Variants in RALYL observed in about 807,000 individuals in gnomAD.
RALYL encodes RNA-binding Raly-like protein.
In RALYL, 29 loss-of-function variants were observed where a neutral mutation model predicts 35.1. That is an observed-to-expected ratio of 0.83 (90% confidence interval 0.61 to 1.13). RALYL has a LOEUF of 1.13. Ranked by LOEUF, RALYL falls within the 50% of genes most tolerant of loss-of-function variation. The pLI, the probability that RALYL is intolerant of heterozygous loss-of-function variation, is 0.00. For missense variants in RALYL, 359 were observed against 360.4 expected, an observed-to-expected ratio of 1.00 and a Z score of 0.03; for synonymous variants, 120 against 127.6, an observed-to-expected ratio of 0.94 and a Z score of 0.40.
At chr8:84,540,022 C>G (rs1340494616) in intron 2 of RALYL, among the ~76,000 whole-genome samples, 1 of 150,596 alleles carries the variant, frequency 6.6e-6, no homozygotes, top group Non-Finnish European at 1.5e-5. Flanking sequence ...TAAATGACAC[C>G]ATTTTGGACA....
At chr8:84,785,484 C>A (rs1175842967) in intron 3 of RALYL, among the ~76,000 whole-genome samples, 1 of 152,192 alleles carries the variant, frequency 6.6e-6, no homozygotes, top group Non-Finnish European at 1.5e-5. Context: ...ACTTCCCAAT[C>A]CAGAGACTAA....
chr8:84,499,521 C>A (rs942991897), intron 1 of RALYL, among the ~76,000 whole-genome samples: 2 of 152,042 alleles, frequency 1.3e-5, no homozygotes, highest in South Asian at 2.1e-4. Context: ...TTGCATGTGG[C>A]AAACACTGAG....
intron 1 of RALYL, among the ~76,000 whole-genome samples, chr8:84,407,079 C>CAG (rs1433408464): frequency 0.017 from 2,540 of 150,860 alleles, 71 homozygotes; most frequent in African/African-American, 0.058. Flanking sequence ...AACACACACA[C>CAG]ACACACAAGA....
At chr8:84,515,338 A>T (rs1280660192) in intron 1 of RALYL, among the ~76,000 whole-genome samples, 2 of 152,162 alleles carry the variant, frequency 1.3e-5, no homozygotes, top group Non-Finnish European at 2.9e-5. Flanking sequence ...TATTGTATAT[A>T]GTGGGCACTA....
chr8:84,295,784 G>A (rs1839641715), intron 1 of RALYL, among the ~76,000 whole-genome samples: 1 of 152,114 alleles, frequency 6.6e-6, no homozygotes, highest in African/African-American at 2.4e-5. Context: ...AAATCTCTCA[G>A]AATTTTGCAC....
chr8:84,485,285 C>G (rs373917080), intron 1 of RALYL, among the ~76,000 whole-genome samples: 1 of 152,202 alleles, frequency 6.6e-6, no homozygotes, highest in South Asian at 2.1e-4. Context: ...ACTCAATATG[C>G]CCAGTTTTAA....
intron 2 of RALYL, among the ~76,000 whole-genome samples, chr8:84,719,643 T>C (rs1843533379): frequency 6.6e-6 from 1 of 152,170 alleles, no homozygotes; most frequent in African/African-American, 2.4e-5. Context: ...ATTCATGGCT[T>C]ATTTTATTTA....
chr8:84,552,330 A>ATG (rs1377951143), intron 2 of RALYL, among the ~76,000 whole-genome samples: 71 of 108,996 alleles, frequency 6.5e-4, no homozygotes, highest in East Asian at 3.7e-3. Context: ...CTATAGTAGG[A>ATG]TGTGTGTGTA....
At chr8:84,531,101 C>G (rs1045831986) in intron 2 of RALYL, among the ~76,000 whole-genome samples, 1 of 152,008 alleles carries the variant, frequency 6.6e-6, no homozygotes, top group African/African-American at 2.4e-5. Flanking sequence ...TTTCATAGCA[C>G]CTATCAGAAT....
intron 2 of RALYL, among the ~76,000 whole-genome samples, chr8:84,676,801 G>T (rs977293077): frequency 1.4e-5 from 2 of 139,592 alleles, no homozygotes; most frequent in African/African-American, 5.5e-5. Flanking sequence ...CATATTAAAA[G>T]ATTTTTTTTT....
At chr8:84,458,498 T>G (rs2050391036) in intron 1 of RALYL, among the ~76,000 whole-genome samples, 1 of 151,786 alleles carries the variant, frequency 6.6e-6, no homozygotes, top group Admixed American at 6.6e-5. Context: ...ATTCATTTTA[T>G]TTCAAATTTG....
At chr8:84,805,653 C>T (rs1040964641) in intron 4 of RALYL, among the ~76,000 whole-genome samples, 2 of 152,108 alleles carry the variant, frequency 1.3e-5, no homozygotes, top group African/African-American at 4.8e-5. Context: ...CACTGCACTC[C>T]ACTCCAGCCT....
intron 1 of RALYL, among the ~76,000 whole-genome samples, chr8:84,316,160 G>C (rs2130168708): frequency 6.6e-6 from 1 of 152,126 alleles, no homozygotes; most frequent in Non-Finnish European, 1.5e-5. Flanking sequence ...TGATTTCCCA[G>C]AAATAACAAC....
intron 2 of RALYL, among the ~76,000 whole-genome samples, chr8:84,717,074 C>G (rs909408169): frequency 1.3e-5 from 2 of 152,148 alleles, no homozygotes; most frequent in Non-Finnish European, 2.9e-5. Flanking sequence ...GTAATCTCAG[C>G]TACTCAGGAG....
chr8:84,447,683 G>A (rs1174578992), intron 1 of RALYL, among the ~76,000 whole-genome samples: 1 of 152,000 alleles, frequency 6.6e-6, no homozygotes, highest in South Asian at 2.1e-4. Context: ...CAAGAAATTT[G>A]TGATTGAATG....
chr8:84,593,014 C>A (rs1179209126), intron 2 of RALYL, among the ~76,000 whole-genome samples: 3 of 152,018 alleles, frequency 2.0e-5, no homozygotes, highest in African/African-American at 7.2e-5. Flanking sequence ...TATTAGAGCA[C>A]CAGCATTAGA....
intron 7 of RALYL, among the ~76,000 whole-genome samples, chr8:84,879,985 A>C (rs1489671431): frequency 6.6e-6 from 1 of 152,132 alleles, no homozygotes; most frequent in Non-Finnish European, 1.5e-5. Context: ...TTTGAATTCT[A>C]GAATGAGCTA....
Position 84,494,966 on chromosome 8 carries a change from G to C in RALYL, c.-23-34333G>C, listed in dbSNP as rs552871870. Among the ~76,000 whole-genome samples the C allele has an allele frequency of 2.9e-3, 441 of 152,210 alleles. 2 individuals carry two copies. Among genetic ancestry groups the C allele is most frequent in the Non-Finnish European group, 5.8e-3 (392 of 68,002 alleles). On this transcript the variant is annotated intron_variant, in intron 1 of 8. Transcript: ENST00000521268. The stretch of plus-strand genomic sequence containing the variant: ...AGGAGTGGCGAGAGAGGGCATCCTT[G>C]TCTTGTACCGGTTTTCAAAGGGAAT...
At chr8:84,185,641 T>C (rs1181787962) in intron 1 of RALYL, among the ~76,000 whole-genome samples, 1 of 152,228 alleles carries the variant, frequency 6.6e-6, no homozygotes, top group East Asian at 1.9e-4. Context: ...TTTGATTTTC[T>C]TACCTTTTCC....
Sources: gnomAD v4.1 joint callset for allele counts (sites outside exome capture counted in the v4.1 genomes callset) on GRCh38, gnomAD v4.1.1 for gene constraint, MANE v1.5 for transcripts, NCBI Gene and HGNC (gene_info 2026-07-23, HGNC 2026-07-21) for gene names.